Variants in TBL1XR1 observed in about 807,000 individuals in gnomAD.
TBL1XR1 encodes TBL1X/Y related 1, also known as F-box-like/WD repeat-containing protein TBL1XR1.
In TBL1XR1, 5 loss-of-function variants were observed where a neutral mutation model predicts 66.9. The ratio of observed to expected loss-of-function variants is 0.07; its 90% CI spans 0.04 to 0.16. The LOEUF is 0.16. Ranked by LOEUF, TBL1XR1 falls within the 10% of genes least tolerant of loss-of-function variation. The pLI is 1.00. For missense variants in TBL1XR1, 238 were observed against 623.2 expected (o/e 0.38, Z 6.58); for synonymous variants, 210 against 206.0 (o/e 1.02, Z -0.17).
At chr3:177,053,749 G>T (rs1197111384) in intron 4 of TBL1XR1, 24 bp downstream of exon 4, 1 of 1,600,488 alleles carries the variant, frequency 6.2e-7, no homozygotes, top group South Asian at 1.1e-5. Context: ...AAAAAAATCA[G>T]TATTTGAAAT....
chr3:177,047,661 G>T, intron 7 of TBL1XR1, 112 bp from the exon 8 acceptor site: 13 of 1,231,370 alleles, frequency 1.1e-5, no homozygotes, highest in Non-Finnish European at 1.4e-5. Flanking sequence ...GACATTCTCT[G>T]CTTCAAAACT....
rs1736998046 is a variant in TBL1XR1, at chr3:177,197,328, G to T, written c.-329C>A. The T allele has an allele frequency of 6.8e-6, 1 of 147,286 alleles. No homozygotes were observed. Among genetic ancestry groups the T allele is most frequent in the African/African-American group, 2.5e-5 (1 of 40,486 alleles). The allele number at this position is 147,286 out of a possible 1,614,324, so 9.1% of individuals were successfully genotyped here. ...GCGGGGAGCGCGGCGCGGGTCCCCA[G>T]GTGGCGAGCGGAGGTGCTCCCGCCG... On this transcript the variant is annotated 5_prime_UTR_variant, in exon 1 of 16. The change creates a new upstream start codon in the 5' untranslated region. Coordinates refer to ENST00000457928, the MANE Select transcript of TBL1XR1 (RefSeq NM_024665.7).
intron 1 of TBL1XR1, among the ~76,000 whole-genome samples, chr3:177,102,785 T>A (rs1228836908): frequency 6.6e-6 from 1 of 152,048 alleles, no homozygotes; most frequent in African/African-American, 2.4e-5. Flanking sequence ...AATCTTCCTA[T>A]CCCTCCTCCA....
intron 1 of TBL1XR1, chr3:177,126,253 A>G (rs1190484475): frequency 6.6e-6 from 1 of 152,050 alleles, no homozygotes; most frequent in African/African-American, 2.4e-5. Flanking sequence ...TCAGCCAAGA[A>G]TCTGCATTTC....
In TBL1XR1 at chr3:177,087,197, T is replaced by C. The variant is rs77368492; in HGVS notation, c.-46+11269A>G. Among the ~76,000 whole-genome samples the C allele has an allele frequency of 8.1e-4, 118 of 144,866 alleles. 1 individual carries two copies. Among genetic ancestry groups the C allele is most frequent in the African/African-American group, 2.9e-3 (111 of 38,420 alleles). ...GGTCAACTATACTAACCCTTCCATT[T>C]TGGGGTTGATTTTTACTTACTTTTT... On this transcript the variant is annotated intron_variant, in intron 2 of 15. Transcript: ENST00000457928.
intron 1 of TBL1XR1, among the ~76,000 whole-genome samples, chr3:177,191,856 C>A (rs1736179896): frequency 1.3e-5 from 2 of 152,122 alleles, no homozygotes; most frequent in East Asian, 1.9e-4. Context: ...GTAATCCCAG[C>A]ACTTTGGGAG....
chr3:177,034,054 A>AC, intron 13 of TBL1XR1, 144 bp downstream of exon 13: 1 of 845,370 alleles, frequency 1.2e-6, no homozygotes, highest in East Asian at 2.7e-5. Context: ...GCCAAAAACC[A>AC]CCTATACACC....
intron 1 of TBL1XR1, among the ~76,000 whole-genome samples, chr3:177,117,809 G>T (rs6785871): frequency 0.68 from 103,540 of 151,974 alleles, 35,716 homozygotes; most frequent in African/African-American, 0.78. Context: ...TAAAACTGGC[G>T]ATTTCTTTCC....
chr3:177,034,055 C>T, intron 13 of TBL1XR1, 143 bp downstream of exon 13: 1 of 866,054 alleles, frequency 1.2e-6, no homozygotes, highest in South Asian at 1.7e-5. Context: ...CCAAAAACCA[C>T]CTATACACCA....
At chr3:177,157,740 C>A (rs185512605) in intron 1 of TBL1XR1, among the ~76,000 whole-genome samples, 1 of 152,248 alleles carries the variant, frequency 6.6e-6, no homozygotes, top group Admixed American at 6.5e-5. Flanking sequence ...CAAAACTAAC[C>A]TGCAGTGTTA....
intron 1 of TBL1XR1, among the ~76,000 whole-genome samples, chr3:177,141,493 G>A (rs958918463): frequency 4.6e-5 from 7 of 152,050 alleles, no homozygotes; most frequent in African/African-American, 9.7e-5. Flanking sequence ...CATATAAATC[G>A]TATTAAATAT....
intron 1 of TBL1XR1, among the ~76,000 whole-genome samples, chr3:177,152,460 T>C (rs1039888301): frequency 5.3e-5 from 8 of 152,158 alleles, no homozygotes; most frequent in Non-Finnish European, 1.0e-4. Flanking sequence ...CTAATTTTTG[T>C]ATTTTTAGTA....
intron 1 of TBL1XR1, chr3:177,163,881 A>G (rs1335888321): frequency 1.3e-5 from 2 of 152,210 alleles, no homozygotes; most frequent in African/African-American, 4.8e-5. Flanking sequence ...TAAATACGCA[A>G]AATGTATCAA....
At chr3:177,191,326 C>T (rs970623243) in intron 1 of TBL1XR1, among the ~76,000 whole-genome samples, 6 of 152,256 alleles carry the variant, frequency 3.9e-5, no homozygotes, top group African/African-American at 1.4e-4. Flanking sequence ...TTGCTCAGGG[C>T]AACCAAATAA....
In TBL1XR1 at chr3:177,180,246, A is replaced by AAG. The variant is rs1553866314; in HGVS notation, c.-122+16874_-122+16875insCT. On this transcript the variant is annotated intron_variant, in intron 1 of 15. Transcript: ENST00000457928. Reference sequence around the variant, plus strand: ...GCAAGACTCCGTCTCAAAAAAAAAAAAAAAAAAAAAAGCATACCCACTACA... The same window carrying AAG: ...GCAAGACTCCGTCTCAAAAAAAAAAAAGAAAAAAAAAAAGCATACCCACTACA... Among the ~76,000 whole-genome samples, 7 of 151,140 alleles carry AAG rather than the reference A, an allele frequency of 4.6e-5. No homozygotes were observed. In the East Asian group the frequency reaches 1.4e-3, roughly 29 times the overall value.
chr3:177,185,114 C>T (rs1735252396), intron 1 of TBL1XR1, among the ~76,000 whole-genome samples: 1 of 152,006 alleles, frequency 6.6e-6, no homozygotes, highest in Non-Finnish European at 1.5e-5. Context: ...ATCAACAGTT[C>T]AAAAGGTTAC....
intron 3 of TBL1XR1, 133 bp from the exon 4 acceptor site, chr3:177,054,051 T>C (rs1047251014): frequency 4.4e-5 from 17 of 384,158 alleles, no homozygotes; most frequent in Admixed American, 3.6e-4. Context: ...AGGTCGTGTG[T>C]GTGTGTGTGT....
intron 12 of TBL1XR1, among the ~76,000 whole-genome samples, chr3:177,035,251 C>T (rs1170577376): frequency 6.6e-6 from 1 of 152,100 alleles, no homozygotes; most frequent in African/African-American, 2.4e-5. Context: ...AAATAAGTTT[C>T]CTCTACATAC....
intron 2 of TBL1XR1, among the ~76,000 whole-genome samples, chr3:177,082,487 T>C (rs1721518646): frequency 6.6e-6 from 1 of 151,648 alleles, no homozygotes; most frequent in Non-Finnish European, 1.5e-5. Context: ...TTTAATCTGA[T>C]ACATATATTT....
Sources: gnomAD v4.1 joint callset for allele counts (sites outside exome capture counted in the v4.1 genomes callset) on GRCh38, gnomAD v4.1.1 for gene constraint, MANE v1.5 for transcripts, NCBI Gene and HGNC (gene_info 2026-07-23, HGNC 2026-07-21) for gene names.